The following PLGRKT variants were observed in gnomAD, a reference collection of about 807,000 sequenced individuals.
PLGRKT encodes plasminogen receptor with a C-terminal lysine, also known as plasminogen receptor (KT).
Under a neutral mutation model 18.5 loss-of-function variants are expected in PLGRKT, and 22 were observed. The observed-to-expected ratio is 1.19, with a 90% CI of 0.85 to 1.70. PLGRKT has a LOEUF of 1.70. Among genes scored for constraint, PLGRKT ranks in the 40% most tolerant of loss-of-function variants. The probability of loss-of-function intolerance (pLI) is 0.00; values close to 1 mark genes in which losing one functional copy is unlikely to be tolerated. For missense variants in PLGRKT, 235 were observed against 174.4 expected (o/e 1.35, Z -1.96); for synonymous variants, 72 against 52.8 (o/e 1.36, Z -1.58).
intron 3 of PLGRKT, 54 bp downstream of exon 3, chr9:5,431,843 G>A: frequency 4.7e-6 from 4 of 846,156 alleles, no homozygotes; most frequent in Non-Finnish European, 8.1e-6. Flanking sequence ...AGTACATGTG[G>A]TAGAAACTTT....
At chr9:5,381,984 C>A in intron 3 of PLGRKT, 1 of 985,390 alleles carries the variant, frequency 1.0e-6, no homozygotes, top group African/African-American at 1.7e-5. Context: ...CACTCCTCCC[C>A]TGGCTTGTTT....
chr9:5,367,501 A>G (rs1038406872), intron 3 of PLGRKT, among the ~76,000 whole-genome samples: 1 of 152,224 alleles, frequency 6.6e-6, no homozygotes, highest in Non-Finnish European at 1.5e-5. Context: ...AGGATTCCCT[A>G]TTTAATAAAT....
At chr9:5,429,841 G>A (rs1157371620) in intron 3 of PLGRKT, among the ~76,000 whole-genome samples, 2 of 152,144 alleles carry the variant, frequency 1.3e-5, no homozygotes, top group East Asian at 1.9e-4. Context: ...TTGGTCTGCT[G>A]CTGAGCTCTT....
intron 3 of PLGRKT, among the ~76,000 whole-genome samples, chr9:5,422,030 TTTG>T (rs200848161): frequency 0.014 from 2,093 of 152,350 alleles, 47 homozygotes; most frequent in African/African-American, 0.048. Context: ...AAGCATTTAT[TTTG>T]TTTCCTGTAC....
intron 3 of PLGRKT, among the ~76,000 whole-genome samples, chr9:5,374,767 T>C (rs549044416): frequency 1.3e-5 from 2 of 152,374 alleles, no homozygotes; most frequent in African/African-American, 4.8e-5. Context: ...AAAGTATTCA[T>C]TTTTAGTTAT....
intron 3 of PLGRKT, among the ~76,000 whole-genome samples, chr9:5,414,937 T>C (rs562585690): frequency 7.2e-5 from 11 of 152,290 alleles, no homozygotes; most frequent in South Asian, 2.1e-4. Context: ...TAGGTAGATA[T>C]AGAAATAAAT....
rs138618478 is a variant in PLGRKT at position 5,371,025 on chromosome 9, T to A, written c.82-9137A>T. On this transcript the variant is annotated intron_variant, in intron 3 of 5. Transcript: ENST00000223864. ...TAGTATTATTCAAAGGCTTAAAAGC[T>A]GTGGTAACAGCATCTTATTATATAT... is the stretch of plus-strand genomic sequence containing the variant. 3.6e-3 allele frequency among the ~76,000 whole-genome samples: 554 copies of A among 152,330 alleles called. 5 individuals are homozygous for A. The highest frequency in any genetic ancestry group is 0.013 in the African/African-American group (543 of 41,584).
At chr9:5,409,256 A>C (rs949815333) in intron 3 of PLGRKT, among the ~76,000 whole-genome samples, 3 of 151,514 alleles carry the variant, frequency 2.0e-5, no homozygotes, top group African/African-American at 7.3e-5. Flanking sequence ...TTAACATTTA[A>C]GTCAGTGGGT....
chr9:5,361,249 T>A (rs868236925), intron 4 of PLGRKT, 62 bp from the exon 5 acceptor site: 1 of 891,162 alleles, frequency 1.1e-6, no homozygotes. Flanking sequence ...CATATCTGTA[T>A]ACTTAAAGAA....
At chr9:5,362,620 T>C (rs1327495278) in intron 3 of PLGRKT, among the ~76,000 whole-genome samples, 1 of 152,200 alleles carries the variant, frequency 6.6e-6, no homozygotes, top group Admixed American at 6.5e-5. Flanking sequence ...AATTCTAAAA[T>C]CTTGGCACTA....
chr9:5,361,230 CTGTAAA>C, intron 4 of PLGRKT, 43 bp from the exon 5 acceptor site: 1 of 1,120,426 alleles, frequency 8.9e-7, no homozygotes, highest in Non-Finnish European at 1.3e-6. Flanking sequence ...AAAAAATAAC[CTGTAAA>C]TACATATCTG....
chr9:5,401,898 C>T lies in PLGRKT; in HGVS notation c.81+29999G>A, dbSNP rs146146858. Among the ~76,000 whole-genome samples the T allele has an allele frequency of 1.2e-3, 178 of 151,992 alleles. 3 individuals carry two copies. Among genetic ancestry groups the T allele is most frequent in the African/African-American group, 4.0e-3 (164 of 41,328 alleles). On this transcript the variant is annotated intron_variant, in intron 3 of 5. Transcript: ENST00000223864. ...CTTCTCTGTTGTAAAATCCATGTAA[C>T]GCACTGGAAAGTTCTTTTCTCTTTG...
intron 3 of PLGRKT, among the ~76,000 whole-genome samples, chr9:5,424,267 A>G (rs1818635812): frequency 7.3e-6 from 1 of 137,418 alleles, no homozygotes; most frequent in South Asian, 2.1e-4. Flanking sequence ...ACTATATGTC[A>G]TATATTATAT....
intron 3 of PLGRKT, among the ~76,000 whole-genome samples, chr9:5,402,187 C>A (rs1385671404): frequency 6.6e-6 from 1 of 151,824 alleles, no homozygotes; most frequent in Non-Finnish European, 1.5e-5. Context: ...CACGAACATA[C>A]TATTATTTTG....
chr9:5,363,211 A>C (rs1158683694), intron 3 of PLGRKT, among the ~76,000 whole-genome samples: 1 of 151,500 alleles, frequency 6.6e-6, no homozygotes, highest in African/African-American at 2.4e-5. Context: ...GCAGCACCCG[A>C]GAGTGCTTTT....
At chr9:5,403,416 G>T (rs549547771) in intron 3 of PLGRKT, among the ~76,000 whole-genome samples, 17 of 151,988 alleles carry the variant, frequency 1.1e-4, no homozygotes, top group African/African-American at 3.4e-4. Flanking sequence ...GTAGAAACGG[G>T]GTTTCACCAA....
At chr9:5,364,955 T>C (rs1049190073) in intron 3 of PLGRKT, among the ~76,000 whole-genome samples, 1 of 152,164 alleles carries the variant, frequency 6.6e-6, no homozygotes, top group Admixed American at 6.6e-5. Context: ...AAATTATAGA[T>C]ATGCATATCT....
intron 3 of PLGRKT, among the ~76,000 whole-genome samples, chr9:5,378,572 G>C (rs1290554870): frequency 6.6e-6 from 1 of 152,234 alleles, no homozygotes; most frequent in Non-Finnish European, 1.5e-5. Flanking sequence ...AGTGGGGTTA[G>C]TGACTGCAAG....
chr9:5,372,902 C>G (rs1026999774), intron 3 of PLGRKT, among the ~76,000 whole-genome samples: 1 of 152,128 alleles, frequency 6.6e-6, no homozygotes, highest in African/African-American at 2.4e-5. Flanking sequence ...GCTGAGGAAA[C>G]TAGGGATCAG....
Sources: allele counts gnomAD v4.1 joint callset (sites outside exome capture counted in the v4.1 genomes callset), GRCh38; gene constraint gnomAD v4.1.1; transcripts MANE v1.5; gene names NCBI Gene and HGNC (gene_info 2026-07-23, HGNC 2026-07-21).